The following HSPA9 variants were observed in gnomAD, a reference collection of about 807,000 sequenced individuals.
The protein encoded by HSPA9 is stress-70 protein, mitochondrial.
In HSPA9, 28 loss-of-function variants were observed where a neutral mutation model predicts 81.5. The ratio of observed to expected loss-of-function variants is 0.34; its 90% CI spans 0.25 to 0.47. The LOEUF is 0.47. HSPA9 is among the 20% of genes least tolerant of loss of function. The pLI is 1.00. For missense variants in HSPA9, 678 were observed against 838.0 expected, an observed-to-expected ratio of 0.81 and a Z score of 2.36; for synonymous variants, 293 against 290.4, an observed-to-expected ratio of 1.01 and a Z score of -0.09.
intron 11 of HSPA9, 47 bp from the exon 12 acceptor site, chr5:138,558,704 T>TC (rs1406437403): frequency 8.7e-7 from 1 of 1,143,616 alleles, no homozygotes; most frequent in African/African-American, 1.5e-5. Flanking sequence ...ATTAACCTAC[T>TC]CCATTTCTAT....
At chr5:138,570,766 T>A (rs1226835269) in intron 4 of HSPA9, 194 bp downstream of exon 4, 2 of 578,148 alleles carry the variant, frequency 3.5e-6, no homozygotes, top group South Asian at 1.9e-5. Context: ...ATTACAGGTG[T>A]GAGCCACTGC....
intron 11 of HSPA9, 93 bp from the exon 12 acceptor site, chr5:138,558,750 C>G (rs769279596): frequency 3.0e-5 from 24 of 802,260 alleles, no homozygotes; most frequent in Non-Finnish European, 5.1e-5. Flanking sequence ...CATTCCAAGA[C>G]TGGAAGACTC....
At chr5:138,557,354 A>T in intron 14 of HSPA9, 48 bp downstream of exon 14, 1 of 1,317,630 alleles carries the variant, frequency 7.6e-7, no homozygotes, top group Non-Finnish European at 1.1e-6. Context: ...CCCACTGTCA[A>T]GACTGAGCTT....
chr5:138,573,107 A>T (rs977015881), intron 3 of HSPA9, among the ~76,000 whole-genome samples: 6 of 152,094 alleles, frequency 3.9e-5, no homozygotes, highest in African/African-American at 1.4e-4. Context: ...GTTGGCCAGA[A>T]TGGTCTCGAT....
chr5:138,559,964 A>T lies in HSPA9; in HGVS notation c.1310T>A (p.Leu437His). The T allele has an allele frequency of 6.2e-7, 1 of 1,614,136 alleles. No homozygotes were observed. The highest frequency in any genetic ancestry group is 8.5e-7 in the Non-Finnish European group (1 of 1,180,002). Residue 437 changes from leucine (L) to histidine (H), a missense_variant, in exon 11 of 17, where the codon CTC becomes CAC. By Grantham distance (99) the Leu-to-His change is moderately conservative (BLOSUM62 -3). This residue lies in a region of HSPA9 where 484 missense variants were observed against 647.5 expected (regional missense o/e 0.75). Coordinates refer to ENST00000297185, the MANE Select transcript of HSPA9 (RefSeq NM_004134.7). The part of the protein sequence containing the change: ...VLAGDVTDVL[L>H]LDVTPLSLGI... ...CAGAGACAGGGGAGTGACATCAAGG[A>T]GCAGCACATCCGTGACATCGCCGGC...
At chr5:138,567,861 G>GAA in intron 5 of HSPA9, 139 bp from the exon 6 acceptor site, 1 of 719,984 alleles carries the variant, frequency 1.4e-6, no homozygotes, top group Non-Finnish European at 2.5e-6. Context: ...GTCCTTGCAG[G>GAA]AAACACTCCA....
intron 11 of HSPA9, 63 bp downstream of exon 11, chr5:138,559,801 T>A (rs538667398): frequency 9.2e-7 from 1 of 1,084,050 alleles, no homozygotes; most frequent in African/African-American, 1.5e-5. Context: ...TGAAAGTGGC[T>A]GCAATTACAT....
At chr5:138,560,215 G>A (rs41295741) in intron 10 of HSPA9, 124 bp from the exon 11 acceptor site, 1 of 735,544 alleles carries the variant, frequency 1.4e-6, no homozygotes, top group African/African-American at 1.7e-5. Flanking sequence ...ATCTGAGAAT[G>A]TTTATTCAAA....
At chr5:138,558,689 A>G (rs762870732) in intron 11 of HSPA9, 32 bp from the exon 12 acceptor site, 7 of 1,333,384 alleles carry the variant, frequency 5.2e-6, no homozygotes, top group South Asian at 2.3e-5. Context: ...TGGGTTGTCA[A>G]TGTGATTAAC....
chr5:138,558,450 T>G lies in HSPA9; in HGVS notation c.1515+103A>C. 3 of 806,874 alleles carry G rather than the reference T, an allele frequency of 3.7e-6. No homozygotes were observed. In the Admixed American group the frequency reaches 5.5e-5, roughly 15 times the overall value. The allele number at this position is 806,874 out of a possible 1,614,324, so 50.0% of individuals were successfully genotyped here. On this transcript the variant is annotated intron_variant, in intron 12 of 16. Coordinates refer to ENST00000297185, the MANE Select transcript of HSPA9 (RefSeq NM_004134.7). The stretch of plus-strand genomic sequence containing the variant: ...CCCTTCTTCTCAAGACTACTCAGTA[T>G]GTATGTGTATGCCAGCAGTTTATAC...
At position 138,558,592 on chromosome 5, in the gene HSPA9, C is replaced by T; in HGVS notation, c.1476G>A (p.Glu492=). 5 of 1,613,764 alleles carry T rather than the reference C, an allele frequency of 3.1e-6. No individual in the cohort carries two copies. The highest frequency in any genetic ancestry group is 4.2e-6 in the Non-Finnish European group (5 of 1,179,652). The change falls in exon 12 of 17, where the codon GAG becomes GAA. Residue 492 remains glutamate (E), a synonymous_variant. Transcript: ENST00000297185. The part of the protein sequence containing the change: ...VEIKVCQGER[E]MAGDNKLLGQ... Reference sequence around the variant, plus strand: ...CAAGGAGTTTGTTGTCTCCAGCCATCTCTCTTTCACCCTGACACACTTTAA... The same window carrying T: ...CAAGGAGTTTGTTGTCTCCAGCCATTTCTCTTTCACCCTGACACACTTTAA...
chr5:138,561,453 G>A (rs1420931497), intron 10 of HSPA9, 127 bp downstream of exon 10: 1 of 744,898 alleles, frequency 1.3e-6, no homozygotes, highest in Non-Finnish European at 2.4e-6. Context: ...ATTCTTTAGT[G>A]AGTATATAAT....
rs1326740074 is a variant in HSPA9 at position 138,554,067 on chromosome 5, TAC to T, written c.*1968_*1969del. Among the ~76,000 whole-genome samples, 5 of 152,242 alleles carry T rather than the reference TAC, an allele frequency of 3.3e-5. No homozygotes were observed. In the South Asian group the frequency reaches 8.3e-4, roughly 25 times the overall value. ...CATAATTGTGAGCCAGTTTCTTTCT[TAC>T]AGTAAATCTTATTCTAGATATATAT... On this transcript the variant is annotated 3_prime_UTR_variant, in exon 17 of 17. Coordinates refer to ENST00000297185, the MANE Select transcript of HSPA9 (RefSeq NM_004134.7).
At position 138,570,984 on chromosome 5, in the gene HSPA9, T is replaced by A. The variant is rs371580409; in HGVS notation, c.386A>T (p.Asp129Val). 6.2e-7 allele frequency: 1 copy of A among 1,614,178 alleles called. No individual in the cohort carries two copies. The highest frequency in any genetic ancestry group is 8.5e-7 in the Non-Finnish European group (1 of 1,180,022). Residue 129 changes from aspartate (D) to valine (V), a missense_variant, in exon 4 of 17, where the codon GAT becomes GTT. By Grantham distance (152) the Asp-to-Val change is radical. Coordinates refer to ENST00000297185, the MANE Select transcript of HSPA9 (RefSeq NM_004134.7). Reference sequence around the variant, plus strand: ...CATGTCTTTCTGTACTTCAGGATCATCATATCGCCGGCCAATGAGACGCTT... The same window carrying A: ...CATGTCTTTCTGTACTTCAGGATCAACATATCGCCGGCCAATGAGACGCTT... ...ATKRLIGRRY[D>V]DPEVQKDIKN...
At chr5:138,568,211 G>A (rs1485668089) in intron 5 of HSPA9, among the ~76,000 whole-genome samples, 7 of 139,314 alleles carry the variant, frequency 5.0e-5, no homozygotes, top group East Asian at 2.3e-4. Context: ...ACCCAAGATC[G>A]GCCGGCCAGG....
At chr5:138,573,979 A>G (rs531443459) in intron 2 of HSPA9, 89 bp downstream of exon 2, 3 of 1,249,972 alleles carry the variant, frequency 2.4e-6, no homozygotes, top group Middle Eastern at 1.9e-4. Flanking sequence ...CAGATAAATA[A>G]TTACAGAGAA....
In HSPA9 at chr5:138,570,002, C is replaced by G. The variant is rs988464640; in HGVS notation, c.411-953G>C. On this transcript the variant is annotated intron_variant, in intron 4 of 16. Transcript: ENST00000297185. ...TCCGCCCCTCAACGCTCAAGCCTCA[C>G]TAGTAGCTGGGACTATAGGCGCGCA... Among the ~76,000 whole-genome samples the G allele has an allele frequency of 2.0e-5, 3 of 152,088 alleles. No homozygotes were observed. In the East Asian group the frequency reaches 5.8e-4, roughly 30 times the overall value.
At position 138,557,398 on chromosome 5, in the gene HSPA9, T is replaced by A. The variant is rs751391910; in HGVS notation, c.1728+4A>T. 5.1e-6 allele frequency: 8 copies of A among 1,578,152 alleles called. No homozygotes were observed. Among genetic ancestry groups the A allele is most frequent in the Non-Finnish European group, 7.0e-6 (8 of 1,148,180 alleles). The stretch of plus-strand genomic sequence containing the variant: ...TTAAAGTTCAGAAGACAAGAAGTAA[T>A]CACCTTCTTTCGCCGGTCTTCTTCA... On this transcript the variant is annotated splice_donor_region_variant and intron_variant, in intron 14 of 16. Transcript: ENST00000297185.
At position 138,556,595 on chromosome 5, in the gene HSPA9, TAAA is replaced by T; in HGVS notation, c.1822-6_1822-4del. 6.2e-7 allele frequency: 1 copy of T among 1,613,678 alleles called. No individual in the cohort carries two copies. The highest frequency in any genetic ancestry group is 8.5e-7 in the Non-Finnish European group (1 of 1,179,950). ...ATCTCTTCTTTCAGCTTGTTGCACT[TAAA>T]AAAAGAAAACAAAAATCCTTACTTT... On this transcript the variant is annotated splice_polypyrimidine_tract_variant and splice_region_variant and intron_variant, in intron 15 of 16. Transcript: ENST00000297185.
Sources: gnomAD v4.1 joint callset for allele counts (sites outside exome capture counted in the v4.1 genomes callset) on GRCh38, gnomAD v4.1.1 for gene constraint, gnomAD v4.1.1 regional missense constraint, MANE v1.5 for transcripts, NCBI Gene and HGNC (gene_info 2026-07-23, HGNC 2026-07-21) for gene names.